Variants in TRIM61 observed in about 807,000 individuals in gnomAD.
The protein encoded by TRIM61 is putative tripartite motif-containing protein 61.
A neutral mutation model predicts 14.2 loss-of-function variants in TRIM61; 1 was observed. The ratio of observed to expected loss-of-function variants is 0.07; its 90% CI spans 0.03 to 0.33. The LOEUF is 0.33. Ranked by LOEUF, TRIM61 falls within the 10% of genes least tolerant of loss-of-function variation. The probability of loss-of-function intolerance (pLI) is 0.99; values close to 1 mark genes in which losing one functional copy is unlikely to be tolerated. For synonymous variants in TRIM61, 8 were observed against 71.6 expected (o/e 0.11, Z 4.49); for missense variants, 19 against 202.2 (o/e 0.09, Z 5.49).
At chr4:164,974,227 G>A (rs552084652) in intron 2 of TRIM61, among the ~76,000 whole-genome samples, 1 of 152,224 alleles carries the variant, frequency 6.6e-6, no homozygotes, top group African/African-American at 2.4e-5. Flanking sequence ...AAGGTTGCTA[G>A]TCCTGAAATG....
At chr4:164,968,065 T>G in intron 3 of TRIM61, 1 of 646,674 alleles carries the variant, frequency 1.5e-6, no homozygotes, top group South Asian at 7.1e-5. Context: ...GGCTGAAGAA[T>G]AGCTTGAACC....
intron 3 of TRIM61, among the ~76,000 whole-genome samples, chr4:164,967,183 A>G (rs1732261401): frequency 6.6e-6 from 1 of 152,248 alleles, no homozygotes; most frequent in Non-Finnish European, 1.5e-5. Context: ...CAAATCTGAC[A>G]AAACATGTTA....
In TRIM61 at chr4:164,964,297, G is replaced by A. The variant is rs1438750315; in HGVS notation, c.525+5181C>T. Reference sequence around the variant, plus strand: ...CGGGAGGCGAAGCTTGCAGTGAGCCGAGATCCTGCCACTGCACTCCAGCCT... The same window carrying A: ...CGGGAGGCGAAGCTTGCAGTGAGCCAAGATCCTGCCACTGCACTCCAGCCT... On this transcript the variant is annotated intron_variant, in intron 3 of 4. Transcript: ENST00000329314. Among the ~76,000 whole-genome samples, 7 of 148,778 alleles carry A rather than the reference G, an allele frequency of 4.7e-5. No individual in the cohort carries two copies. The East Asian group carries it at 1.4e-3, about 29-fold the overall frequency.
intron 2 of TRIM61, among the ~76,000 whole-genome samples, chr4:164,970,850 A>T (rs771818372): frequency 3.9e-5 from 6 of 152,222 alleles, no homozygotes; most frequent in Non-Finnish European, 5.9e-5. Flanking sequence ...CTATAATCCC[A>T]GCATTTTGGG....
chr4:164,975,819 G>A (rs1188044065), intron 2 of TRIM61, among the ~76,000 whole-genome samples: 1 of 152,168 alleles, frequency 6.6e-6, no homozygotes, highest in East Asian at 1.9e-4. Context: ...GGTCTGTGCT[G>A]AGGTGAATTA....
intron 3 of TRIM61, among the ~76,000 whole-genome samples, chr4:164,966,043 G>T (rs1284068477): frequency 6.6e-6 from 1 of 152,202 alleles, no homozygotes; most frequent in Admixed American, 6.5e-5. Context: ...AGATACCTGA[G>T]CCACTGGCTT....
chr4:164,973,953 G>C (rs150093310), intron 2 of TRIM61, among the ~76,000 whole-genome samples: 1 of 152,318 alleles, frequency 6.6e-6, no homozygotes, highest in Non-Finnish European at 1.5e-5. Context: ...TGGATCACTT[G>C]AGGTCAGCAG....
At chr4:164,968,496 G>A in intron 3 of TRIM61, 1 of 985,488 alleles carries the variant, frequency 1.0e-6, no homozygotes, top group Non-Finnish European at 1.2e-6. Context: ...CTTTCTTATG[G>A]GAAAAACTGG....
At chr4:164,975,975 C>T (rs1039672742) in intron 2 of TRIM61, among the ~76,000 whole-genome samples, 5 of 152,116 alleles carry the variant, frequency 3.3e-5, no homozygotes, top group Non-Finnish European at 5.9e-5. Context: ...TGGTGGGAGG[C>T]GAGACATGTT....
At chr4:164,971,182 T>C (rs112134383) in intron 2 of TRIM61, among the ~76,000 whole-genome samples, 1 of 152,160 alleles carries the variant, frequency 6.6e-6, no homozygotes, top group African/African-American at 2.4e-5. Flanking sequence ...ACCAGTTAAA[T>C]TGAGCACAAT....
chr4:164,974,842 G>A (rs761035438), intron 2 of TRIM61, among the ~76,000 whole-genome samples: 1 of 152,224 alleles, frequency 6.6e-6, no homozygotes, highest in Non-Finnish European at 1.5e-5. Context: ...AATGGGTACT[G>A]TTGAGCAGAA....
chr4:164,968,304 T>G lies in TRIM61; in HGVS notation c.525+1174A>C, dbSNP rs1350290880. ...AATACAGAAAAAAATTACTGGGCTT[T>G]TATTGGCAATTACAAAAGTAATAGA... On this transcript the variant is annotated intron_variant, in intron 3 of 4. Transcript: ENST00000329314. The G allele has an allele frequency of 4.2e-6, 4 of 961,092 alleles. No homozygotes were observed. The East Asian group carries it at 3.5e-4, about 83-fold the overall frequency. The allele number at this position is 961,092 out of a possible 1,614,324, so 59.5% of individuals were successfully genotyped here. A position where few individuals can be genotyped will look rare whatever the true frequency, so the allele number is the denominator to read the frequency against.
chr4:164,957,397 G>T, intron 3 of TRIM61: 1 of 1,614,110 alleles, frequency 6.2e-7, no homozygotes, highest in Non-Finnish European at 8.5e-7. Flanking sequence ...GAAAAGTCAG[G>T]AAGAGAACCA....
At chr4:164,957,285 C>G in intron 3 of TRIM61, 1 of 1,614,194 alleles carries the variant, frequency 6.2e-7, no homozygotes. Flanking sequence ...TCCGCGTGCC[C>G]TGTCAGCCGC....
chr4:164,972,942 T>A (rs148924023), intron 2 of TRIM61, among the ~76,000 whole-genome samples: 1 of 152,188 alleles, frequency 6.6e-6, no homozygotes, highest in South Asian at 2.1e-4. Flanking sequence ...GAACCCTTCG[T>A]ATTTCATTAT....
At chr4:164,967,947 T>C (rs1579147200) in intron 3 of TRIM61, among the ~76,000 whole-genome samples, 1 of 148,892 alleles carries the variant, frequency 6.7e-6, no homozygotes, top group Admixed American at 6.7e-5. Context: ...AGGTCAGGAG[T>C]TCGACACCAG....
At chr4:164,957,444 G>C (rs762241013) in intron 3 of TRIM61, 9 of 1,613,936 alleles carry the variant, frequency 5.6e-6, no homozygotes, top group Non-Finnish European at 7.6e-6. Flanking sequence ...ACAAGGACTA[G>C]AGGGTTTGGG....
intron 3 of TRIM61, among the ~76,000 whole-genome samples, chr4:164,963,324 A>G (rs1448080873): frequency 6.6e-6 from 1 of 152,220 alleles, no homozygotes; most frequent in East Asian, 1.9e-4. Context: ...AACATTAGTG[A>G]CATCTTGTCT....
chr4:164,957,334 G>A (rs754268850), intron 3 of TRIM61: 3 of 1,613,950 alleles, frequency 1.9e-6, no homozygotes, highest in African/African-American at 2.7e-5. Flanking sequence ...GCAGCATTCC[G>A]GCTGTCACGC....
Sources: gnomAD v4.1 joint callset for allele counts (sites outside exome capture counted in the v4.1 genomes callset) on GRCh38, gnomAD v4.1.1 for gene constraint, MANE v1.5 for transcripts, NCBI Gene and HGNC (gene_info 2026-07-23, HGNC 2026-07-21) for gene names.